Variants in RPF2 observed in about 807,000 individuals in gnomAD.
The protein encoded by RPF2 is ribosome production factor 2 homolog.
A neutral mutation model predicts 38.9 loss-of-function variants in RPF2; 21 were observed. The ratio of observed to expected loss-of-function variants is 0.54; its 90% CI spans 0.38 to 0.78. The LOEUF is 0.78. RPF2 is among the 30% of genes least tolerant of loss of function. RPF2 has a pLI of 0.00. For synonymous variants in RPF2, 121 were observed against 126.2 expected (o/e 0.96, Z 0.28); for missense variants, 314 against 358.1 (o/e 0.88, Z 0.99).
chr6:110,994,734 TACACACACACACACACACACAC>T (rs71021820), intron 4 of RPF2, among the ~76,000 whole-genome samples: 1 of 134,070 alleles, frequency 7.5e-6, no homozygotes, highest in Non-Finnish European at 1.5e-5. Context: ...TGAGTATATA[TACACACACACACACACACACAC>T]ACACACACAC....
At position 111,025,477 on chromosome 6, in the gene RPF2, C is replaced by A; in HGVS notation, c.816C>A (p.Asp272Glu). 1 of 1,613,276 alleles carries A rather than the reference C, an allele frequency of 6.2e-7. No homozygotes were observed. The highest frequency in any genetic ancestry group is 8.5e-7 in the Non-Finnish European group (1 of 1,179,568). ...TYGRIHMQKQ[D>E]LSKLQTRKMK... ...GAAGGATTCATATGCAGAAGCAAGA[C>A]CTAAGCAAACTACAAACCAGGAAAA... The change falls in exon 10 of 10, where the codon GAC becomes GAA. Residue 272 changes from aspartate (D) to glutamate (E), a missense_variant. Asp to Glu is a conservative substitution (Grantham distance 45, BLOSUM62 2). Transcript: ENST00000441448.
intron 7 of RPF2, among the ~76,000 whole-genome samples, chr6:111,008,561 C>T (rs1331343650): frequency 6.6e-6 from 1 of 152,082 alleles, no homozygotes; most frequent in Non-Finnish European, 1.5e-5. Flanking sequence ...GCACCCATCT[C>T]CTGTCATTCC....
chr6:111,025,356 C>T, intron 9 of RPF2, 47 bp from the exon 10 acceptor site: 3 of 1,327,284 alleles, frequency 2.3e-6, no homozygotes, highest in South Asian at 2.6e-5. Flanking sequence ...TTTACTGGCT[C>T]ATTATAGTAG....
At chr6:111,015,985 G>A in intron 8 of RPF2, 129 bp downstream of exon 8, 2 of 679,598 alleles carry the variant, frequency 2.9e-6, no homozygotes, top group South Asian at 1.7e-5. Context: ...TGGCAGGATA[G>A]CAGTGACAGC....
At chr6:111,020,029 C>T (rs756787406) in intron 8 of RPF2, among the ~76,000 whole-genome samples, 12 of 151,934 alleles carry the variant, frequency 7.9e-5, no homozygotes, top group African/African-American at 2.7e-4. Context: ...ATTCTCCTGC[C>T]TCAGCCTCCC....
chr6:111,026,514 T>G lies in RPF2; in HGVS notation c.*932T>G, dbSNP rs1218182961. On this transcript the variant is annotated 3_prime_UTR_variant, in exon 10 of 10. Transcript: ENST00000441448. ...CACTGCACCTGGCAGAAAAGAAGTTTTGATAGGGGCAGAAATGAAAAAGGA... is the reference window on the plus strand; with the variant it reads ...CACTGCACCTGGCAGAAAAGAAGTTGTGATAGGGGCAGAAATGAAAAAGGA... 1 of 152,262 alleles carries G rather than the reference T, an allele frequency of 6.6e-6. No individual in the cohort carries two copies. Among genetic ancestry groups the G allele is most frequent in the African/African-American group, 2.4e-5 (1 of 41,424 alleles). The allele number at this position is 152,262 out of a possible 1,614,324, so 9.4% of individuals were successfully genotyped here.
chr6:110,984,032 AAAATAAAT>A (rs578022639), intron 1 of RPF2, among the ~76,000 whole-genome samples: 1 of 152,098 alleles, frequency 6.6e-6, no homozygotes, highest in African/African-American at 2.4e-5. Context: ...CTGTCTCAAA[AAAATAAAT>A]AAATAAATAA....
At chr6:111,015,660 G>C in intron 7 of RPF2, 94 bp from the exon 8 acceptor site, 1 of 833,104 alleles carries the variant, frequency 1.2e-6, no homozygotes, top group South Asian at 1.5e-5. Context: ...TTTTAGATAA[G>C]TATTGGAGCA....
At chr6:110,993,186 C>G (rs1251825191) in intron 4 of RPF2, among the ~76,000 whole-genome samples, 1 of 152,178 alleles carries the variant, frequency 6.6e-6, no homozygotes, top group Non-Finnish European at 1.5e-5. Context: ...CTCAAATGAT[C>G]TGCCTGCCTT....
intron 8 of RPF2, among the ~76,000 whole-genome samples, chr6:111,022,787 A>G (rs1293507170): frequency 9.2e-5 from 14 of 152,258 alleles, no homozygotes; most frequent in Non-Finnish European, 2.1e-4. Flanking sequence ...TCTATCGGAT[A>G]TGCCATGAGC....
chr6:111,016,457 C>T (rs915381980), intron 8 of RPF2, among the ~76,000 whole-genome samples: 5 of 152,032 alleles, frequency 3.3e-5, no homozygotes, highest in South Asian at 4.1e-4. Flanking sequence ...ATTAGCCCAG[C>T]GTGGTGGCAC....
intron 4 of RPF2, among the ~76,000 whole-genome samples, chr6:110,995,407 T>A (rs1182972616): frequency 6.6e-6 from 1 of 152,166 alleles, no homozygotes; most frequent in East Asian, 1.9e-4. Flanking sequence ...TTTCTGACTC[T>A]GCATCCCCCA....
rs1178182860 is a variant in RPF2 at position 111,028,218 on chromosome 6, CTCAAT to C, written c.*2641_*2645del. 1 of 151,738 alleles carries C rather than the reference CTCAAT, an allele frequency of 6.6e-6. No homozygotes were observed. The highest frequency in any genetic ancestry group is 2.4e-5 in the African/African-American group (1 of 41,284). 9.4% of individuals were successfully genotyped at this position (151,738 alleles called of 1,614,324 possible). On this transcript the variant is annotated 3_prime_UTR_variant, in exon 10 of 10. Coordinates refer to ENST00000441448, the MANE Select transcript of RPF2 (RefSeq NM_032194.3). Reference sequence around the variant, plus strand: ...ATAATCCAAAGTAGAGATGTTATTACTCAATTCAAGAAAAGAAAGGGCTAATAAAA... The same window carrying C: ...ATAATCCAAAGTAGAGATGTTATTACTCAAGAAAAGAAAGGGCTAATAAAA...
chr6:110,986,392 A>G (rs1304860497), intron 2 of RPF2, among the ~76,000 whole-genome samples: 14 of 152,172 alleles, frequency 9.2e-5, no homozygotes, highest in Admixed American at 1.3e-4. Context: ...AATGACCAGA[A>G]AGAATAGATG....
chr6:111,004,725 C>T (rs189116735), intron 6 of RPF2, among the ~76,000 whole-genome samples: 7 of 151,984 alleles, frequency 4.6e-5, no homozygotes, highest in Admixed American at 3.3e-4. Context: ...TGAGCCACCA[C>T]GCCTGGCTAA....
chr6:110,982,248 C>A, intron 1 of RPF2, 119 bp downstream of exon 1: 1 of 1,161,746 alleles, frequency 8.6e-7, no homozygotes, highest in Non-Finnish European at 1.3e-6. Context: ...TGGGTGGGGG[C>A]CGATCGATCA....
intron 8 of RPF2, among the ~76,000 whole-genome samples, chr6:111,019,971 G>A (rs1434369592): frequency 1.3e-5 from 2 of 151,200 alleles, no homozygotes; most frequent in African/African-American, 2.4e-5. Flanking sequence ...CTGGAGTGCA[G>A]TGACGCAATC....
intron 2 of RPF2, among the ~76,000 whole-genome samples, 173 bp downstream of exon 2, chr6:110,985,311 T>A (rs921805957): frequency 6.6e-6 from 1 of 152,226 alleles, no homozygotes; most frequent in Admixed American, 6.5e-5. Flanking sequence ...CACCTTTTCT[T>A]AAAGCAACTA....
chr6:111,004,061 C>G (rs1475791411), intron 6 of RPF2, among the ~76,000 whole-genome samples: 1 of 152,088 alleles, frequency 6.6e-6, no homozygotes, highest in Non-Finnish European at 1.5e-5. Flanking sequence ...GATCCACCCA[C>G]CTTGGCCTCC....
Sources: allele counts gnomAD v4.1 joint callset (sites outside exome capture counted in the v4.1 genomes callset), GRCh38; gene constraint gnomAD v4.1.1; transcripts MANE v1.5; gene names NCBI Gene and HGNC (gene_info 2026-07-23, HGNC 2026-07-21).